RTN1: variants seen among roughly 807,000 people sequenced by gnomAD.
RTN1 encodes the protein reticulon 1.
Under a neutral mutation model 65.5 loss-of-function variants are expected in RTN1, and 25 were observed. The observed-to-expected ratio is 0.38, with a 90% CI of 0.28 to 0.53. The LOEUF (loss-of-function observed/expected upper bound fraction) is 0.53, where lower values mean the gene tolerates loss of function less well. RTN1 is among the 20% of genes least tolerant of loss of function. RTN1 has a pLI of 0.79. For synonymous variants in RTN1, 471 were observed against 447.6 expected, an observed-to-expected ratio of 1.05 and a Z score of -0.66; for missense variants, 983 against 1,025.4, an observed-to-expected ratio of 0.96 and a Z score of 0.57.
At chr14:59,740,441 C>T (rs1885094290) in intron 2 of RTN1, among the ~76,000 whole-genome samples, 1 of 152,138 alleles carries the variant, frequency 6.6e-6, no homozygotes, top group Non-Finnish European at 1.5e-5. Context: ...CTCAGCTAAA[C>T]AATGAATTTT....
In RTN1 at chr14:59,605,443, C is replaced by T. The variant is rs1881712356; in HGVS notation, c.2037G>A (p.Leu679=). 1 of 1,614,010 alleles carries T rather than the reference C, an allele frequency of 6.2e-7. No individual in the cohort carries two copies. The highest frequency in any genetic ancestry group is 1.3e-5 in the African/African-American group (1 of 74,916). Residue 679 remains leucine, a synonymous_variant, in exon 5 of 9, where the codon CTG becomes CTA. Coordinates refer to ENST00000267484, the MANE Select transcript of RTN1 (RefSeq NM_021136.3). ...QEQIQKYTDC[L]QFYVNSTLKE... Reference sequence around the variant, plus strand: ...TAAGTGTGCTGTTCACGTAGAACTGCAGGCAGTCCGTGTACTTCTGAATCT... The same window carrying T: ...TAAGTGTGCTGTTCACGTAGAACTGTAGGCAGTCCGTGTACTTCTGAATCT...
chr14:59,706,642 A>C (rs1884300279), intron 3 of RTN1, among the ~76,000 whole-genome samples: 2 of 152,230 alleles, frequency 1.3e-5, no homozygotes, highest in African/African-American at 4.8e-5. Flanking sequence ...AAACACAGAC[A>C]CATAAACACA....
At chr14:59,831,965 T>G (rs560857124) in intron 1 of RTN1, among the ~76,000 whole-genome samples, 17 of 152,202 alleles carry the variant, frequency 1.1e-4, no homozygotes, top group African/African-American at 4.1e-4. Context: ...CTGGAGACAA[T>G]GGGCTTCGGA....
In RTN1 at chr14:59,727,613, G is replaced by C. The variant is rs971079814; in HGVS notation, c.1071C>G (p.Ile357Met). 3.7e-6 allele frequency: 6 copies of C among 1,612,460 alleles called. No individual in the cohort carries two copies. The highest frequency in any genetic ancestry group is 5.1e-6 in the Non-Finnish European group (6 of 1,179,668). Reference protein sequence around the residue: ...GKGSISEDELITAIKEAKGLS... With the variant: ...GKGSISEDELMTAIKEAKGLS... ...ATCCCTTTGCTTCTTTGATGGCGGT[G>C]ATCAGCTCATCCTCGGAGATGCTGC... is the stretch of plus-strand genomic sequence containing the variant. The change falls in exon 3 of 9, where the codon ATC (isoleucine) becomes ATG (methionine). Residue 357 changes from isoleucine to methionine, a missense_variant. Around this residue, in one of 2 missense-constraint regions of RTN1, gnomAD observed 818 missense variants for 801.8 expected, o/e 1.02. Coordinates refer to ENST00000267484, the MANE Select transcript of RTN1 (RefSeq NM_021136.3). The surrounding 1 kb of genome is among the most constrained non-coding windows in gnomAD (Gnocchi z 4.2).
At chr14:59,726,152 C>T (rs1032952501) in intron 3 of RTN1, among the ~76,000 whole-genome samples, 17 of 152,138 alleles carry the variant, frequency 1.1e-4, no homozygotes, top group Admixed American at 8.5e-4. Context: ...GTGCGGTGAA[C>T]GATTTTTGGG....
chr14:59,687,540 G>A (rs1883873111), intron 3 of RTN1, among the ~76,000 whole-genome samples: 1 of 151,912 alleles, frequency 6.6e-6, no homozygotes, highest in African/African-American at 2.4e-5. Flanking sequence ...GGTACAGCAG[G>A]CGTCTCTCCA....
intron 1 of RTN1, among the ~76,000 whole-genome samples, chr14:59,780,117 A>T (rs997868979): frequency 6.6e-6 from 1 of 152,144 alleles, no homozygotes; most frequent in Non-Finnish European, 1.5e-5. Flanking sequence ...AAGGGTGAAA[A>T]GCCATGGTCC....
intron 1 of RTN1, among the ~76,000 whole-genome samples, chr14:59,754,206 T>G (rs536826959): frequency 3.0e-4 from 46 of 152,300 alleles, no homozygotes; most frequent in African/African-American, 1.1e-3. Context: ...CAATATGTGT[T>G]GATAAAAGTG....
chr14:59,735,548 C>A (rs1884985575), intron 2 of RTN1, among the ~76,000 whole-genome samples: 1 of 152,076 alleles, frequency 6.6e-6, no homozygotes, highest in Non-Finnish European at 1.5e-5. Context: ...GGAAAATTTA[C>A]CAAGCAAATG....
At position 59,816,732 on chromosome 14, in the gene RTN1, A is replaced by C. The variant is rs1248082596; in HGVS notation, c.241+53658T>G. Among the ~76,000 whole-genome samples, 1 of 152,098 alleles carries C rather than the reference A, an allele frequency of 6.6e-6. No individual in the cohort carries two copies. Among genetic ancestry groups the C allele is most frequent in the African/African-American group, 2.4e-5 (1 of 41,396 alleles). On this transcript the variant is annotated intron_variant, in intron 1 of 8. Transcript: ENST00000267484. This position sits in a 1 kb window ranked among gnomAD's most constrained non-coding sequence, Gnocchi z 4.3. ...GCGAATCACTTGAGTCCACGAGTTCAAGGTCAGCCTGGGCAACATGGCAAA... is the reference window on the plus strand; with the variant it reads ...GCGAATCACTTGAGTCCACGAGTTCCAGGTCAGCCTGGGCAACATGGCAAA...
chr14:59,717,603 G>A (rs1362439495), intron 3 of RTN1, among the ~76,000 whole-genome samples: 1 of 152,154 alleles, frequency 6.6e-6, no homozygotes. Flanking sequence ...TTGTTCTAGT[G>A]GCATTGTGGG....
At chr14:59,608,926 T>C (rs10136884) in intron 3 of RTN1, among the ~76,000 whole-genome samples, 1 of 151,846 alleles carries the variant, frequency 6.6e-6, no homozygotes, top group Non-Finnish European at 1.5e-5. Flanking sequence ...AAAAAAAAAG[T>C]ACTGTGCTCT....
chr14:59,612,542 G>A (rs1480317448), intron 3 of RTN1, among the ~76,000 whole-genome samples: 1 of 152,216 alleles, frequency 6.6e-6, no homozygotes, highest in East Asian at 1.9e-4. Flanking sequence ...TGTACTTTGT[G>A]CTAAAAATTT....
rs1029567008 is a variant in RTN1 at position 59,663,463 on chromosome 14, A to G, written c.1766-55971T>C. Among the ~76,000 whole-genome samples the G allele has an allele frequency of 5.9e-5, 9 of 152,218 alleles. 1 individual carries two copies. Among genetic ancestry groups the G allele is most frequent in the African/African-American group, 2.2e-4 (9 of 41,450 alleles). On this transcript the variant is annotated intron_variant, in intron 3 of 8. Coordinates refer to ENST00000267484, the MANE Select transcript of RTN1 (RefSeq NM_021136.3). Reference sequence around the variant, plus strand: ...TAAAACACCAAAAGCAATGGCAACAAAAGCAAAAATTGACAAATGGGATCT... The same window carrying G: ...TAAAACACCAAAAGCAATGGCAACAGAAGCAAAAATTGACAAATGGGATCT...
intron 1 of RTN1, among the ~76,000 whole-genome samples, chr14:59,806,607 C>T (rs1886643276): frequency 6.6e-6 from 1 of 152,144 alleles, no homozygotes; most frequent in African/African-American, 2.4e-5. Context: ...CCTGATCTCT[C>T]TCTCCTCCCA....
intron 3 of RTN1, among the ~76,000 whole-genome samples, chr14:59,640,182 C>G (rs1882747276): frequency 6.6e-6 from 1 of 152,056 alleles, no homozygotes; most frequent in Non-Finnish European, 1.5e-5. Context: ...TGGGACTTTT[C>G]TTTGTAAAAC....
At chr14:59,632,565 A>G (rs559756828) in intron 3 of RTN1, among the ~76,000 whole-genome samples, 3 of 105,924 alleles carry the variant, frequency 2.8e-5, no homozygotes, top group Non-Finnish European at 3.9e-5. Flanking sequence ...TGCCAGTCCA[A>G]TGATAGCCCC....
chr14:59,719,977 A>G (rs556719354), intron 3 of RTN1, among the ~76,000 whole-genome samples: 34 of 152,314 alleles, frequency 2.2e-4, no homozygotes, highest in African/African-American at 4.6e-4. Context: ...TCTACAGGCA[A>G]GTTTAAGGTT....
intron 3 of RTN1, among the ~76,000 whole-genome samples, chr14:59,707,708 T>TAC (rs34046826): frequency 0.06 from 8,770 of 145,684 alleles, 293 homozygotes; most frequent in Admixed American, 0.09. Context: ...CTCTCTCTTT[T>TAC]ACACACACAC....
Sources: allele counts gnomAD v4.1 joint callset (sites outside exome capture counted in the v4.1 genomes callset), GRCh38; gene constraint gnomAD v4.1.1; regional missense constraint gnomAD v4.1.1; non-coding constraint Gnocchi (gnomAD v3.1); transcripts MANE v1.5; gene names NCBI Gene and HGNC (gene_info 2026-07-23, HGNC 2026-07-21).